Variants in TEK observed in about 807,000 individuals in gnomAD.
TEK encodes the protein TEK receptor tyrosine kinase.
TEK carries 43 observed loss-of-function variants against 131.8 expected under a neutral mutation model. The ratio of observed to expected loss-of-function variants is 0.33; its 90% CI spans 0.26 to 0.42. The LOEUF (loss-of-function observed/expected upper bound fraction) is 0.42. Ranked by LOEUF, TEK falls within the 10% of genes least tolerant of loss-of-function variation. The pLI, the probability that TEK is intolerant of heterozygous loss-of-function variation, is 1.00. For missense variants in TEK, 1,162 were observed against 1,384.4 expected, an observed-to-expected ratio of 0.84 and a Z score of 2.55; for synonymous variants, 580 against 491.6, an observed-to-expected ratio of 1.18 and a Z score of -2.38.
At chr9:27,113,624 G>A (rs1443605483) in intron 1 of TEK, among the ~76,000 whole-genome samples, 1 of 151,936 alleles carries the variant, frequency 6.6e-6, no homozygotes, top group Non-Finnish European at 1.5e-5. Context: ...AATGAAGCTA[G>A]TATAATCAAA....
chr9:27,217,636 C>A, intron 18 of TEK, 52 bp from the exon 19 acceptor site: 3 of 1,538,774 alleles, frequency 1.9e-6, no homozygotes, highest in South Asian at 2.2e-5. Context: ...AGGCTGAGAG[C>A]CTCTTAAAGA....
chr9:27,188,864 G>A (rs2152066), intron 9 of TEK, among the ~76,000 whole-genome samples: 1 of 151,946 alleles, frequency 6.6e-6, no homozygotes, highest in African/African-American at 2.4e-5. Context: ...TACAGTTCAC[G>A]AAAATGCTGA....
chr9:27,218,678 C>T lies in TEK; in HGVS notation c.3063-99C>T, dbSNP rs925854876. ...CTAGGATGTAGACATTTAACATCTC[C>T]TTTTCTCAGAAAGGGTGGGTCTCCC... On this transcript the variant is annotated intron_variant, in intron 19 of 22. Coordinates refer to ENST00000380036, the MANE Select transcript of TEK (RefSeq NM_000459.5). 3.2e-6 allele frequency: 4 copies of T among 1,264,212 alleles called. No individual in the cohort carries two copies. In the African/African-American group the frequency reaches 4.4e-5, roughly 14 times the overall value. 78.3% of individuals were successfully genotyped at this position (1,264,212 alleles called of 1,614,324 possible). A position where few individuals can be genotyped will look rare whatever the true frequency, so the allele number is the denominator to read the frequency against.
At position 27,201,553 on chromosome 9, in the gene TEK, T is replaced by C. The variant is rs117982767; in HGVS notation, c.1910-1267T>C. Among the ~76,000 whole-genome samples, 9 of 152,246 alleles carry C rather than the reference T, an allele frequency of 5.9e-5. No individual in the cohort carries two copies. In the East Asian group the frequency reaches 7.7e-4, roughly 13 times the overall value. ...AAAGTTAAGACATACTGTTGATTAA[T>C]TGTGATTTTTGGATACTGTACCATC... On this transcript the variant is annotated intron_variant, in intron 12 of 22. Coordinates refer to ENST00000380036, the MANE Select transcript of TEK (RefSeq NM_000459.5).
At chr9:27,206,989 T>G (rs1347783431) in intron 15 of TEK, among the ~76,000 whole-genome samples, 197 bp downstream of exon 15, 1 of 152,262 alleles carries the variant, frequency 6.6e-6, no homozygotes, top group Non-Finnish European at 1.5e-5. Flanking sequence ...CAGGAGCCAT[T>G]TAAACATCAC....
At chr9:27,173,048 G>A (rs1824023343) in intron 5 of TEK, among the ~76,000 whole-genome samples, 174 bp from the exon 6 acceptor site, 1 of 152,016 alleles carries the variant, frequency 6.6e-6, no homozygotes, top group South Asian at 2.1e-4. Flanking sequence ...TGCTCTGTGG[G>A]GCAGTTTCAT....
At chr9:27,168,826 G>T (rs948191024) in intron 3 of TEK, among the ~76,000 whole-genome samples, 1 of 152,180 alleles carries the variant, frequency 6.6e-6, no homozygotes, top group Admixed American at 6.5e-5. Context: ...AATGTACATG[G>T]TGTATGTACA....
intron 20 of TEK, among the ~76,000 whole-genome samples, chr9:27,219,108 C>CTATTAAAAGTCACATTT (rs1348669694): frequency 6.6e-6 from 1 of 152,078 alleles, no homozygotes; most frequent in African/African-American, 2.4e-5. Context: ...GATTATGCAG[C>CTATTAAAAGTCACATTT]TATTAAAAGT....
At chr9:27,173,149 T>G in intron 5 of TEK, 73 bp from the exon 6 acceptor site, 2 of 1,585,806 alleles carry the variant, frequency 1.3e-6, no homozygotes, top group Non-Finnish European at 1.7e-6. Flanking sequence ...CTAGGAGAAA[T>G]GAATCTAAAG....
chr9:27,221,188 C>G (rs1826061264), intron 21 of TEK, among the ~76,000 whole-genome samples: 1 of 152,182 alleles, frequency 6.6e-6, no homozygotes, highest in Admixed American at 6.5e-5. Context: ...ACCGCCGCTC[C>G]TCAAAGCCAC....
In TEK at chr9:27,197,242, G is replaced by C. The variant is rs908591052; in HGVS notation, c.1625-73G>C. On this transcript the variant is annotated intron_variant, in intron 11 of 22. Transcript: ENST00000380036. Reference sequence around the variant, plus strand: ...CACTGGGGATTACATTTCAGTATGAGATTTGGGTGGGGACACTAATCCAAA... The same window carrying C: ...CACTGGGGATTACATTTCAGTATGACATTTGGGTGGGGACACTAATCCAAA... 6 of 1,529,110 alleles carry C rather than the reference G, an allele frequency of 3.9e-6. No homozygotes were observed. In the African/African-American group the frequency reaches 4.1e-5, roughly 10 times the overall value. 94.7% of individuals were successfully genotyped at this position (1,529,110 alleles called of 1,614,324 possible).
chr9:27,190,579 T>C lies in TEK; in HGVS notation c.1378T>C (p.Phe460Leu). 6.2e-7 allele frequency: 1 copy of C among 1,614,046 alleles called. No homozygotes were observed. The highest frequency in any genetic ancestry group is 8.5e-7 in the Non-Finnish European group (1 of 1,179,938). ...APNVIDTGHN[F>L]AVINISSEPY... ...AAACGTGATTGACACTGGACATAACTTTGCTGTCATCAACATCAGCTCTGA... is the reference window on the plus strand; with the variant it reads ...AAACGTGATTGACACTGGACATAACCTTGCTGTCATCAACATCAGCTCTGA... Residue 460 changes from phenylalanine to leucine, a missense_variant, in exon 10 of 23, where the codon TTT becomes CTT. Coordinates refer to ENST00000380036, the MANE Select transcript of TEK (RefSeq NM_000459.5).
intron 9 of TEK, among the ~76,000 whole-genome samples, chr9:27,186,548 C>G (rs1366058587): frequency 6.6e-6 from 1 of 152,136 alleles, no homozygotes; most frequent in Non-Finnish European, 1.5e-5. Flanking sequence ...TTGGCTGATC[C>G]ACAGATGTGA....
At chr9:27,180,896 AT>A (rs201072206) in intron 7 of TEK, among the ~76,000 whole-genome samples, 1,579 of 152,258 alleles carry the variant, frequency 0.01, 30 homozygotes, top group African/African-American at 0.036. Context: ...ATAGAGATAC[AT>A]TTTTTATATT....
chr9:27,205,341 G>A (rs1301912428), intron 14 of TEK, among the ~76,000 whole-genome samples: 1 of 152,078 alleles, frequency 6.6e-6, no homozygotes, highest in African/African-American at 2.4e-5. Context: ...TGAGACATAT[G>A]GTCATCCTAG....
At chr9:27,144,729 A>G (rs1481356778) in intron 1 of TEK, among the ~76,000 whole-genome samples, 3 of 152,184 alleles carry the variant, frequency 2.0e-5, no homozygotes, top group East Asian at 1.9e-4. Context: ...TAGTAAAGCA[A>G]TTCCTAAACT....
intron 6 of TEK, 152 bp downstream of exon 6, chr9:27,173,514 A>G: frequency 1.1e-6 from 1 of 937,692 alleles, no homozygotes; most frequent in Non-Finnish European, 1.7e-6. Context: ...GTTTACATCC[A>G]ATGTTAATTA....
At chr9:27,205,657 C>T (rs1046373103) in intron 14 of TEK, among the ~76,000 whole-genome samples, 4 of 152,026 alleles carry the variant, frequency 2.6e-5, no homozygotes, top group East Asian at 1.9e-4. Context: ...GGAATTCTAA[C>T]CAGTAGCAAA....
chr9:27,209,658 T>C (rs1321281750), intron 16 of TEK, among the ~76,000 whole-genome samples: 1 of 152,210 alleles, frequency 6.6e-6, no homozygotes, highest in Non-Finnish European at 1.5e-5. Context: ...TCTAGTGTAA[T>C]ATGAAAACTA....
Sources: allele counts gnomAD v4.1 joint callset (sites outside exome capture counted in the v4.1 genomes callset), GRCh38; gene constraint gnomAD v4.1.1; transcripts MANE v1.5; gene names NCBI Gene and HGNC (gene_info 2026-07-23, HGNC 2026-07-21).